Variants in EYS observed in about 807,000 individuals in gnomAD.
EYS encodes EGF-like photoreceptor maintenance factor.
Under a neutral mutation model 282.1 loss-of-function variants are expected in EYS, and 250 were observed. The observed-to-expected ratio is 0.89, with a 90% CI of 0.80 to 0.98. EYS has a LOEUF of 0.98. Ranked by LOEUF, EYS falls within the 50% of genes least tolerant of loss-of-function variation. The probability of loss-of-function intolerance (pLI) is 0.00; values close to 1 mark genes in which losing one functional copy is unlikely to be tolerated. For synonymous variants in EYS, 1,355 were observed against 1,282.9 expected (o/e 1.06, Z -1.20); for missense variants, 4,016 against 3,709.0 (o/e 1.08, Z -2.15).
chr6:64,183,763 G>T (rs1244141996), intron 31 of EYS, among the ~76,000 whole-genome samples: 2 of 151,304 alleles, frequency 1.3e-5, no homozygotes, highest in Admixed American at 1.3e-4. Flanking sequence ...TTGAAACAGT[G>T]GTGGGACATC....
At chr6:64,142,539 G>T (rs1051983949) in intron 31 of EYS, among the ~76,000 whole-genome samples, 3 of 152,068 alleles carry the variant, frequency 2.0e-5, no homozygotes, top group Admixed American at 2.0e-4. Context: ...AAGTATTTAA[G>T]AATGGATTTG....
chr6:63,959,972 C>G (rs1185794019), intron 35 of EYS, among the ~76,000 whole-genome samples: 2 of 151,638 alleles, frequency 1.3e-5, no homozygotes, highest in African/African-American at 4.8e-5. Flanking sequence ...ACATGTATAC[C>G]TATGTAACAA....
intron 35 of EYS, among the ~76,000 whole-genome samples, chr6:63,965,887 A>G (rs1473398616): frequency 1.3e-5 from 2 of 152,196 alleles, no homozygotes; most frequent in Non-Finnish European, 2.9e-5. Flanking sequence ...GCATTTTACC[A>G]TCAAATTGTC....
intron 10 of EYS, among the ~76,000 whole-genome samples, chr6:65,340,609 T>C (rs1037562509): frequency 6.6e-6 from 1 of 151,078 alleles, no homozygotes; most frequent in Non-Finnish European, 1.5e-5. Flanking sequence ...GTGCCACCAA[T>C]ACGAAGCTTT....
Position 64,590,252 on chromosome 6 carries a change from A to G in EYS, c.5615T>C (p.Ile1872Thr), listed in dbSNP as rs201333192. The G allele has an allele frequency of 8.7e-4, 1,351 of 1,548,860 alleles. 1 individual carries two copies. The highest frequency in any genetic ancestry group is 9.9e-4 in the Non-Finnish European group (1,130 of 1,145,486). ...RSLTLSSLES[I>T]LAPQRLMISD... The stretch of plus-strand genomic sequence containing the variant: ...AATCATCAGCCGTTGAGGTGCCAGA[A>G]TGGATTCCAGTGAAGACAAAGTAAG... The change falls in exon 26 of 43, where the codon ATT (isoleucine) becomes ACT (threonine). Residue 1872 changes from isoleucine to threonine, a missense_variant. Ile to Thr is a moderately conservative substitution (Grantham distance 89, BLOSUM62 -1). Transcript: ENST00000503581.
At chr6:64,713,070 G>A (rs914678574) in intron 22 of EYS, among the ~76,000 whole-genome samples, 1 of 152,176 alleles carries the variant, frequency 6.6e-6, no homozygotes, top group Non-Finnish European at 1.5e-5. Flanking sequence ...GTGCAAAACA[G>A]CCAAGGAAAA....
intron 12 of EYS, among the ~76,000 whole-genome samples, chr6:65,261,095 T>C (rs1175990666): frequency 6.6e-6 from 1 of 152,038 alleles, no homozygotes; most frequent in Non-Finnish European, 1.5e-5. Flanking sequence ...TAAGAACATT[T>C]CAGAATGCAT....
chr6:65,591,177 G>T (rs140525746), intron 2 of EYS, among the ~76,000 whole-genome samples: 1 of 151,970 alleles, frequency 6.6e-6, no homozygotes, highest in Admixed American at 6.6e-5. Context: ...GCCATTGAAG[G>T]TGAGGTGAGA....
intron 19 of EYS, among the ~76,000 whole-genome samples, chr6:64,846,784 T>C (rs2150038761): frequency 6.6e-6 from 1 of 152,130 alleles, no homozygotes; most frequent in East Asian, 1.9e-4. Flanking sequence ...GGGGAAGTAT[T>C]TCATTATCTA....
At chr6:63,979,503 G>T (rs767098473) in intron 35 of EYS, among the ~76,000 whole-genome samples, 1 of 151,880 alleles carries the variant, frequency 6.6e-6, no homozygotes, top group Non-Finnish European at 1.5e-5. Flanking sequence ...TTTGAAATTA[G>T]TGTCTCAATA....
intron 12 of EYS, among the ~76,000 whole-genome samples, chr6:65,106,086 C>T (rs1775027408): frequency 1.3e-5 from 2 of 151,870 alleles, no homozygotes; most frequent in Admixed American, 1.3e-4. Context: ...GCTACTTACT[C>T]AGTAAATTCT....
At chr6:63,745,847 GGTTGTGAT>G (rs1350884131) in intron 41 of EYS, among the ~76,000 whole-genome samples, 1 of 152,160 alleles carries the variant, frequency 6.6e-6, no homozygotes, top group Non-Finnish European at 1.5e-5. Context: ...GGTTAAATGA[GGTTGTGAT>G]GTTGGAGTTG....
chr6:64,338,187 A>T (rs1185568557), intron 29 of EYS, among the ~76,000 whole-genome samples: 7 of 152,014 alleles, frequency 4.6e-5, no homozygotes, highest in Non-Finnish European at 1.0e-4. Context: ...AGGAAGTCAA[A>T]CTGTCACTGT....
intron 22 of EYS, among the ~76,000 whole-genome samples, chr6:64,727,560 T>C (rs112950271): frequency 0.011 from 1,616 of 152,304 alleles, 17 homozygotes; most frequent in Non-Finnish European, 0.015. Flanking sequence ...TAGTAAACTA[T>C]ATAATTATTT....
chr6:65,279,797 G>C (rs1768165110), intron 12 of EYS, among the ~76,000 whole-genome samples: 1 of 151,996 alleles, frequency 6.6e-6, no homozygotes, highest in Admixed American at 6.6e-5. Context: ...GTGACATCTT[G>C]ATTGTTTACA....
At chr6:64,376,590 T>C (rs1163585946) in intron 29 of EYS, among the ~76,000 whole-genome samples, 1 of 152,202 alleles carries the variant, frequency 6.6e-6, no homozygotes, top group African/African-American at 2.4e-5. Flanking sequence ...GGCTTTAGAA[T>C]TCTGCACTCT....
chr6:63,864,447 T>C, intron 35 of EYS, 89 bp from the exon 36 acceptor site: 1 of 868,502 alleles, frequency 1.2e-6, no homozygotes, highest in Non-Finnish European at 1.7e-6. Flanking sequence ...TGAACACATA[T>C]GCAAATAAAA....
At chr6:65,656,001 T>G (rs1582569275) in intron 1 of EYS, among the ~76,000 whole-genome samples, 1 of 151,880 alleles carries the variant, frequency 6.6e-6, no homozygotes, top group South Asian at 2.1e-4. Context: ...ATTCTCACCA[T>G]ATTTCAGACG....
At chr6:64,719,088 A>T (rs1426616479) in intron 22 of EYS, among the ~76,000 whole-genome samples, 1 of 152,204 alleles carries the variant, frequency 6.6e-6, no homozygotes, top group East Asian at 1.9e-4. Flanking sequence ...GCCATTGCTG[A>T]TTTGAAGATG....
Sources: gnomAD v4.1 joint callset for allele counts (sites outside exome capture counted in the v4.1 genomes callset) on GRCh38, gnomAD v4.1.1 for gene constraint, MANE v1.5 for transcripts, NCBI Gene and HGNC (gene_info 2026-07-23, HGNC 2026-07-21) for gene names.